Variants in HYDIN observed in about 807,000 individuals in gnomAD.
HYDIN encodes HYDIN axonemal central pair apparatus protein, also known as axonemal central pair apparatus protein HYDIN.
In HYDIN, 132 loss-of-function variants were observed where a neutral mutation model predicts 403.9. The ratio of observed to expected loss-of-function variants is 0.33; its 90% CI spans 0.28 to 0.38. The LOEUF (loss-of-function observed/expected upper bound fraction) is 0.38, where lower values mean the gene tolerates loss of function less well. HYDIN is among the 10% of genes least tolerant of loss of function. The pLI is 1.00. For synonymous variants in HYDIN, 1,202 were observed against 1,891.7 expected (o/e 0.64, Z 9.46); for missense variants, 2,827 against 5,009.5 (o/e 0.56, Z 13.15).
intron 8 of HYDIN, among the ~76,000 whole-genome samples, chr16:71,130,420 A>G (rs1388235483): frequency 6.6e-6 from 1 of 150,656 alleles, no homozygotes; most frequent in African/African-American, 2.4e-5. Context: ...AAATGTAATC[A>G]AGGCTCTAGT....
At chr16:70,822,835 C>T (rs1472449752) in intron 83 of HYDIN, among the ~76,000 whole-genome samples, 1 of 150,422 alleles carries the variant, frequency 6.6e-6, no homozygotes, top group Admixed American at 6.6e-5. Context: ...CAGGTATGCA[C>T]GTTACTTTTA....
intron 4 of HYDIN, 51 bp from the exon 5 acceptor site, chr16:71,175,792 T>C (rs760183265): frequency 1.3e-6 from 2 of 1,594,626 alleles, no homozygotes; most frequent in Admixed American, 3.3e-5. Flanking sequence ...AAAGCAGAGT[T>C]AAACACAGAC....
At chr16:71,181,017 T>C (rs564989860) in intron 3 of HYDIN, among the ~76,000 whole-genome samples, 30 of 151,970 alleles carry the variant, frequency 2.0e-4, no homozygotes, top group Non-Finnish European at 4.0e-4. Context: ...ATGAAAGATG[T>C]ATAAGACCTT....
chr16:70,931,989 C>T (rs1351853787), intron 45 of HYDIN, among the ~76,000 whole-genome samples: 9 of 105,410 alleles, frequency 8.5e-5, no homozygotes, highest in African/African-American at 1.5e-4. Context: ...GTAGCCTGGG[C>T]GACAGAGCGA....
chr16:71,207,393 T>C (rs1465747165), intron 1 of HYDIN, among the ~76,000 whole-genome samples: 2 of 152,192 alleles, frequency 1.3e-5, no homozygotes, highest in African/African-American at 2.4e-5. Flanking sequence ...AATTTGTTAC[T>C]ATCACAACTG....
At chr16:71,006,441 TG>T (rs1411993316) in intron 23 of HYDIN, among the ~76,000 whole-genome samples, 2 of 148,760 alleles carry the variant, frequency 1.3e-5, no homozygotes, top group East Asian at 4.0e-4. Flanking sequence ...TGCTCCCTGG[TG>T]GGGCCTCACC....
intron 46 of HYDIN, among the ~76,000 whole-genome samples, chr16:70,920,198 T>C (rs1482603381): frequency 6.0e-4 from 49 of 81,612 alleles, no homozygotes; most frequent in Middle Eastern, 4.3e-3. Context: ...CTTTTGTTTA[T>C]AGGAAAGAAG....
intron 5 of HYDIN, among the ~76,000 whole-genome samples, chr16:71,165,512 G>A (rs923833649): frequency 6.7e-6 from 1 of 150,168 alleles, no homozygotes; most frequent in African/African-American, 2.5e-5. Context: ...TCCCCAGTGA[G>A]TGTAGTGCAT....
chr16:71,199,139 G>A (rs1430071287), intron 1 of HYDIN, among the ~76,000 whole-genome samples: 1 of 152,150 alleles, frequency 6.6e-6, no homozygotes, highest in East Asian at 1.9e-4. Flanking sequence ...TTTGTGAAAA[G>A]CCTTGTGAAG....
Position 71,115,731 on chromosome 16 carries a change from T to C in HYDIN, c.1292A>G (p.Lys431Arg), listed in dbSNP as rs1568177138. 2 of 1,059,364 alleles carry C rather than the reference T, an allele frequency of 1.9e-6. No individual in the cohort carries two copies. Among genetic ancestry groups the C allele is most frequent in the East Asian group, 2.4e-5 (1 of 42,392 alleles). 65.6% of individuals were successfully genotyped at this position (1,059,364 alleles called of 1,614,324 possible). ...ITVYFNPLEA[K>R]LYQQTIYCDI... ...GCAGTAAATGGTCTGTTGATAGAGC[T>C]TGGCTTCTAGTGGGTTAAAGTACAC... Residue 431 changes from lysine (K) to arginine (R), a missense_variant, in exon 10 of 86, where the codon AAG becomes AGG. Transcript: ENST00000393567.
intron 67 of HYDIN, among the ~76,000 whole-genome samples, chr16:70,864,673 G>A (rs1597158736): frequency 6.8e-6 from 1 of 146,494 alleles, no homozygotes; most frequent in Non-Finnish European, 1.5e-5. Flanking sequence ...GTAAATTTAT[G>A]AGCACTTGTA....
chr16:70,962,325 C>T (rs1396609852), intron 37 of HYDIN, among the ~76,000 whole-genome samples, 187 bp from the exon 38 acceptor site: 1 of 150,512 alleles, frequency 6.6e-6, no homozygotes, highest in African/African-American at 2.4e-5. Context: ...TCTCTGTGCA[C>T]AGTGTTTCTA....
chr16:71,144,757 GAA>G (rs1205791563), intron 7 of HYDIN, among the ~76,000 whole-genome samples: 1 of 149,674 alleles, frequency 6.7e-6, no homozygotes, highest in Non-Finnish European at 1.5e-5. Flanking sequence ...ATTTAATCAA[GAA>G]TATATTCAGC....
chr16:70,987,339 GGAT>G (rs1472406817), intron 27 of HYDIN, among the ~76,000 whole-genome samples: 9 of 151,350 alleles, frequency 5.9e-5, no homozygotes, highest in African/African-American at 2.2e-4. Flanking sequence ...GGGACTGACA[GGAT>G]GACAACACCA....
At chr16:71,003,650 T>G (rs2079795248) in intron 23 of HYDIN, among the ~76,000 whole-genome samples, 1 of 151,728 alleles carries the variant, frequency 6.6e-6, no homozygotes, top group Non-Finnish European at 1.5e-5. Context: ...AAATACAAAA[T>G]TAGCTGGGCG....
intron 5 of HYDIN, among the ~76,000 whole-genome samples, chr16:71,175,051 G>T (rs2086612947): frequency 7.1e-6 from 1 of 141,406 alleles, no homozygotes; most frequent in Non-Finnish European, 1.6e-5. Flanking sequence ...ATCAATGACA[G>T]CACCACCACC....
Position 70,855,210 on chromosome 16 carries a change from G to T in HYDIN, c.12361C>A (p.Gln4121Lys). ...CCTTCAGAATAGCGGGAGTTGTCCTGGAAGGAAAAATCGAACCCCTGCTCC... is the reference window on the plus strand; with the variant it reads ...CCTTCAGAATAGCGGGAGTTGTCCTTGAAGGAAAAATCGAACCCCTGCTCC... ...KEEQGFDFSF[Q>K]DNSRYSEGFS... Residue 4121 changes from glutamine (Q) to lysine (K), a missense_variant, in exon 73 of 86, where the codon CAG becomes AAG. By Grantham distance (53) the Gln-to-Lys change is moderately conservative (BLOSUM62 1). Coordinates refer to ENST00000393567, the MANE Select transcript of HYDIN (RefSeq NM_001270974.2). 1 of 1,556,262 alleles carries T rather than the reference G, an allele frequency of 6.4e-7. No homozygotes were observed. The highest frequency in any genetic ancestry group is 8.7e-7 in the Non-Finnish European group (1 of 1,150,246).
At chr16:71,181,643 T>C (rs1274046637) in intron 3 of HYDIN, among the ~76,000 whole-genome samples, 2 of 151,962 alleles carry the variant, frequency 1.3e-5, no homozygotes, top group East Asian at 3.9e-4. Flanking sequence ...TCAAAGAGCA[T>C]AATGGAAAAA....
At chr16:71,021,220 C>CTT (rs61127175) in intron 21 of HYDIN, among the ~76,000 whole-genome samples, 10 of 142,072 alleles carry the variant, frequency 7.0e-5, no homozygotes, top group South Asian at 4.5e-4. Flanking sequence ...TTTAATTTTT[C>CTT]TTTTTTTTTT....
Sources: gnomAD v4.1 joint callset for allele counts (sites outside exome capture counted in the v4.1 genomes callset) on GRCh38, gnomAD v4.1.1 for gene constraint, MANE v1.5 for transcripts, NCBI Gene and HGNC (gene_info 2026-07-23, HGNC 2026-07-21) for gene names.